RARB: variants seen among roughly 807,000 people sequenced by gnomAD.
RARB encodes the protein retinoic acid receptor beta.
A neutral mutation model predicts 51.9 loss-of-function variants in RARB; 17 were observed. That is an observed-to-expected ratio of 0.33 (90% CI 0.22 to 0.49). The LOEUF (loss-of-function observed/expected upper bound fraction) is 0.49, where lower values mean the gene tolerates loss of function less well. Among genes scored for constraint, RARB ranks in the 20% least tolerant of loss-of-function variants. RARB has a pLI of 0.99. For synonymous variants in RARB, 215 were observed against 195.4 expected (o/e 1.10, Z -0.84); for missense variants, 369 against 550.8 (o/e 0.67, Z 3.30).
intron 5 of RARB, among the ~76,000 whole-genome samples, chr3:25,389,931 T>C (rs1424603399): frequency 6.6e-6 from 1 of 152,132 alleles, no homozygotes; most frequent in African/African-American, 2.4e-5. Flanking sequence ...GTGATGTAGA[T>C]AGCAAAAGGT....
chr3:25,555,125 T>C (rs886982988), intron 3 of RARB, among the ~76,000 whole-genome samples: 1 of 151,832 alleles, frequency 6.6e-6, no homozygotes, highest in African/African-American at 2.4e-5. Context: ...TTGAATAAAA[T>C]TAGTGAATGA....
At chr3:25,317,528 G>A (rs1001985053) in intron 5 of RARB, among the ~76,000 whole-genome samples, 4 of 152,044 alleles carry the variant, frequency 2.6e-5, no homozygotes, top group African/African-American at 4.8e-5. Context: ...TGAGATCGCC[G>A]AGTGAGCTAT....
chr3:25,276,960 A>G (rs1703404780), intron 5 of RARB, among the ~76,000 whole-genome samples: 1 of 152,242 alleles, frequency 6.6e-6, no homozygotes, highest in African/African-American at 2.4e-5. Context: ...AAGTTGAGAC[A>G]GGAAAGGAAG....
chr3:25,193,163 A>T (rs118153381), intron 5 of RARB, among the ~76,000 whole-genome samples: 2 of 152,112 alleles, frequency 1.3e-5, no homozygotes, highest in East Asian at 1.9e-4. Flanking sequence ...TTTTAATCTT[A>T]ACTTTTTGGC....
chr3:25,032,737 A>T (rs1395653044), intron 2 of RARB, among the ~76,000 whole-genome samples: 5 of 152,190 alleles, frequency 3.3e-5, no homozygotes, highest in African/African-American at 1.2e-4. Context: ...GGGGGCAGGG[A>T]GGGTAATATG....
At chr3:25,149,234 G>T (rs966588499) in intron 4 of RARB, among the ~76,000 whole-genome samples, 1 of 152,134 alleles carries the variant, frequency 6.6e-6, no homozygotes, top group Non-Finnish European at 1.5e-5. Flanking sequence ...TCTTCCATAG[G>T]AATGGTTTCT....
intron 3 of RARB, among the ~76,000 whole-genome samples, chr3:25,535,411 C>CTT (rs3074714): frequency 0.059 from 8,220 of 138,200 alleles, 813 homozygotes; most frequent in African/African-American, 0.2. Context: ...GTCCTTATCT[C>CTT]TTTTTTTTTT....
intron 2 of RARB, among the ~76,000 whole-genome samples, chr3:24,992,694 C>CA (rs1198489967): frequency 6.6e-6 from 1 of 152,152 alleles, no homozygotes; most frequent in East Asian, 1.9e-4. Flanking sequence ...GCCATCTCCC[C>CA]CCGTGTCTTC....
chr3:25,444,230 C>G (rs12636426), intron 1 of RARB, among the ~76,000 whole-genome samples: 10,654 of 152,160 alleles, frequency 0.07, 469 homozygotes, highest in Middle Eastern at 0.11. Flanking sequence ...TTGAATCTCC[C>G]GAGTAGGAGA....
At chr3:25,326,194 C>G (rs1261956523) in intron 5 of RARB, among the ~76,000 whole-genome samples, 1 of 152,144 alleles carries the variant, frequency 6.6e-6, no homozygotes, top group African/African-American at 2.4e-5. Flanking sequence ...GTATATCTCC[C>G]TAAAATTCTG....
chr3:25,144,858 G>T, intron 4 of RARB, among the ~76,000 whole-genome samples: 1 of 152,188 alleles, frequency 6.6e-6, no homozygotes, highest in East Asian at 1.9e-4. Flanking sequence ...AACAATAAAT[G>T]AATTTTGGTG....
intron 2 of RARB, among the ~76,000 whole-genome samples, chr3:25,020,664 T>A (rs919741225): frequency 2.0e-5 from 3 of 152,124 alleles, no homozygotes; most frequent in African/African-American, 7.2e-5. Context: ...CATATAGGCT[T>A]TTGAAGATCA....
At chr3:25,202,220 G>A (rs564970277) in intron 5 of RARB, among the ~76,000 whole-genome samples, 68 of 152,180 alleles carry the variant, frequency 4.5e-4, no homozygotes, top group South Asian at 1.0e-3. Context: ...GTTTATTTGC[G>A]TAGAGGTGTT....
intron 3 of RARB, among the ~76,000 whole-genome samples, chr3:25,128,995 T>C (rs946669739): frequency 2.0e-5 from 3 of 152,080 alleles, no homozygotes; most frequent in African/African-American, 7.2e-5. Flanking sequence ...TTAAAAAACA[T>C]AGAGTAAGAA....
At chr3:25,356,284 G>T (rs1357360338) in intron 5 of RARB, among the ~76,000 whole-genome samples, 4 of 152,088 alleles carry the variant, frequency 2.6e-5, no homozygotes, top group African/African-American at 4.8e-5. Context: ...CTAAGTGAAA[G>T]CAGAGTACAA....
chr3:25,558,798 A>G lies in RARB; in HGVS notation c.449-10960A>G, dbSNP rs1307070942. On this transcript the variant is annotated intron_variant, in intron 3 of 7. Coordinates refer to ENST00000330688, the MANE Select transcript of RARB (RefSeq NM_000965.5). ...ATTTCTTCTCTGTTTTGATACCATC[A>G]GTAGCCCAATACGGGGTTAAAACCT... Among the ~76,000 whole-genome samples the G allele has an allele frequency of 2.6e-5, 4 of 152,162 alleles. No individual in the cohort carries two copies. The South Asian group carries it at 8.3e-4, about 31-fold the overall frequency.
chr3:24,848,218 C>T (rs1230227862), intron 1 of RARB, among the ~76,000 whole-genome samples: 1 of 152,088 alleles, frequency 6.6e-6, no homozygotes, highest in African/African-American at 2.4e-5. Flanking sequence ...CGCCACCTTG[C>T]GCAGCTAATT....
rs1291267930 is a variant in RARB at position 25,339,435 on chromosome 3, C to T, written c.179-121758C>T. ...GCTTTCTGTACCTCACTTCTGTTTT[C>T]GGAACGTCACTTTCCTTTTTCTGTC... On this transcript the variant is annotated intron_variant, in intron 5 of 11. Transcript: ENST00000383772. Among the ~76,000 whole-genome samples the T allele has an allele frequency of 4.6e-5, 7 of 152,268 alleles. No individual in the cohort carries two copies. In the South Asian group the frequency reaches 6.2e-4, roughly 14 times the overall value.
intron 5 of RARB, among the ~76,000 whole-genome samples, chr3:25,351,732 C>T (rs537908616): frequency 7.4e-4 from 112 of 152,066 alleles, no homozygotes; most frequent in African/African-American, 2.6e-3. Flanking sequence ...TTTTGTTTTC[C>T]CTTGTTCCAT....
Sources: allele counts gnomAD v4.1 joint callset (sites outside exome capture counted in the v4.1 genomes callset), GRCh38; gene constraint gnomAD v4.1.1; transcripts MANE v1.5; gene names NCBI Gene and HGNC (gene_info 2026-07-23, HGNC 2026-07-21).